Variants in PRMT8 observed in about 807,000 individuals in gnomAD.
The protein encoded by PRMT8 is protein arginine N-methyltransferase 8.
Under a neutral mutation model 47.1 loss-of-function variants are expected in PRMT8, and 7 were observed. The ratio of observed to expected loss-of-function variants is 0.15; its 90% confidence interval spans 0.08 to 0.28. The LOEUF is 0.28. Ranked by LOEUF, PRMT8 falls within the 10% of genes least tolerant of loss-of-function variation. The pLI is 1.00. For missense variants in PRMT8, 237 were observed against 505.4 expected (o/e 0.47, Z 5.09); for synonymous variants, 188 against 186.5 (o/e 1.01, Z -0.07).
At chr12:3,549,546 A>C (rs1166020523) in intron 2 of PRMT8, among the ~76,000 whole-genome samples, 1 of 152,060 alleles carries the variant, frequency 6.6e-6, no homozygotes, top group African/African-American at 2.4e-5. Flanking sequence ...ATACACTCAC[A>C]AAAACCTCTT....
At chr12:3,442,858 T>A (rs1488910447) in intron 1 of PRMT8, among the ~76,000 whole-genome samples, 2 of 151,950 alleles carry the variant, frequency 1.3e-5, no homozygotes, top group Non-Finnish European at 2.9e-5. Flanking sequence ...GGGGTTTCAC[T>A]ATGTTGGCCA....
chr12:3,417,278 A>T (rs971080931), intron 1 of PRMT8, among the ~76,000 whole-genome samples: 3 of 152,222 alleles, frequency 2.0e-5, no homozygotes, highest in Non-Finnish European at 4.4e-5. Context: ...CAGATTTCAG[A>T]CAGCAACACA....
At chr12:3,507,933 A>G (rs980609036) in intron 1 of PRMT8, among the ~76,000 whole-genome samples, 4 of 151,774 alleles carry the variant, frequency 2.6e-5, no homozygotes, top group African/African-American at 9.7e-5. Context: ...TAATTTTTGT[A>G]TTCTTTCCCC....
intron 2 of PRMT8, among the ~76,000 whole-genome samples, chr12:3,549,101 T>C (rs562883557): frequency 1.4e-4 from 22 of 152,336 alleles, no homozygotes; most frequent in African/African-American, 4.8e-4. Flanking sequence ...TCAGATCATT[T>C]GTCATCTTGG....
chr12:3,511,255 C>T (rs183197569), intron 1 of PRMT8, among the ~76,000 whole-genome samples: 4 of 152,198 alleles, frequency 2.6e-5, no homozygotes, highest in African/African-American at 9.6e-5. Flanking sequence ...CCCTTCCAGA[C>T]ATGCCCATGG....
chr12:3,541,780 T>C (rs1296754923), intron 2 of PRMT8, among the ~76,000 whole-genome samples: 1 of 152,236 alleles, frequency 6.6e-6, no homozygotes, highest in Non-Finnish European at 1.5e-5. Context: ...TAGTGCTTAC[T>C]ACGTGCTGGT....
intron 1 of PRMT8, among the ~76,000 whole-genome samples, chr12:3,533,470 A>G (rs1298133452): frequency 6.6e-6 from 1 of 152,256 alleles, no homozygotes; most frequent in Non-Finnish European, 1.5e-5. Context: ...TTTTTAGCTC[A>G]TCAGCAATCG....
chr12:3,470,905 T>C (rs1865155047), intron 1 of PRMT8, among the ~76,000 whole-genome samples: 2 of 152,168 alleles, frequency 1.3e-5, no homozygotes, highest in Non-Finnish European at 2.9e-5. Context: ...AAGATGACAA[T>C]TCAAACCTGC....
intron 1 of PRMT8, among the ~76,000 whole-genome samples, chr12:3,540,023 C>CAA (rs1423899190): frequency 6.6e-6 from 1 of 152,188 alleles, no homozygotes; most frequent in Non-Finnish European, 1.5e-5. Flanking sequence ...TTTCCTCTAA[C>CAA]AAACTCTTAC....
Position 3,553,793 on chromosome 12 carries a change from G to A in PRMT8, c.481+79G>A, listed in dbSNP as rs758392992. ...ACTTTCTTGTTGGGATGGCATAGCG[G>A]GAGGAGCGCAGAGCACTTGGACTTG... On this transcript the variant is annotated intron_variant, in intron 4 of 9. Coordinates refer to ENST00000382622, the MANE Select transcript of PRMT8 (RefSeq NM_019854.5). The A allele has an allele frequency of 1.3e-4, 175 of 1,348,814 alleles. 1 individual carries two copies. The highest frequency in any genetic ancestry group is 1.8e-4 in the Non-Finnish European group (167 of 947,274). The allele number at this position is 1,348,814 out of a possible 1,614,324, so 83.6% of individuals were successfully genotyped here.
chr12:3,472,271 T>A (rs142787626), intron 1 of PRMT8, among the ~76,000 whole-genome samples: 2 of 152,354 alleles, frequency 1.3e-5, no homozygotes, highest in African/African-American at 2.4e-5. Context: ...ACATTCCGGC[T>A]GGCCTCAGCC....
chr12:3,428,787 A>T (rs1385241929), intron 1 of PRMT8, among the ~76,000 whole-genome samples: 12 of 121,554 alleles, frequency 9.9e-5, no homozygotes, highest in East Asian at 2.4e-4. Flanking sequence ...TCTCTCTCTT[A>T]CCTTGACTCT....
chr12:3,490,028 T>C (rs1399237536), upstream of PRMT8, among the ~76,000 whole-genome samples: 2 of 152,178 alleles, frequency 1.3e-5, no homozygotes, highest in African/African-American at 2.4e-5. Flanking sequence ...CAATGGACTC[T>C]GGGGTTAGTT....
chr12:3,495,442 C>A (rs1483673331), intron 1 of PRMT8, among the ~76,000 whole-genome samples: 1 of 152,218 alleles, frequency 6.6e-6, no homozygotes, highest in Non-Finnish European at 1.5e-5. Flanking sequence ...CTGTGCCGGT[C>A]TTTCCTCCTT....
chr12:3,456,929 C>CCTAG lies in PRMT8; in HGVS notation c.48+75488_48+75489insTAGC, dbSNP rs1864980104. The stretch of plus-strand genomic sequence containing the variant: ...TTTCTTGCTGTGGCTGACGTCCTAG[C>CCTAG]CGTGTTAAGGGGGTGGGGGCTCTGG... On this transcript the variant is annotated intron_variant, in intron 1 of 9. Transcript: ENST00000452611. The surrounding 1 kb of genome is among the most constrained non-coding windows in gnomAD (Gnocchi z 4.2). Among the ~76,000 whole-genome samples, 1 of 152,166 alleles carries CCTAG rather than the reference C, an allele frequency of 6.6e-6. No individual in the cohort carries two copies. Among genetic ancestry groups the CCTAG allele is most frequent in the Non-Finnish European group, 1.5e-5 (1 of 68,034 alleles).
chr12:3,507,022 G>C (rs201796509), intron 1 of PRMT8, among the ~76,000 whole-genome samples: 1 of 152,148 alleles, frequency 6.6e-6, no homozygotes, highest in African/African-American at 2.4e-5. Flanking sequence ...CCACTATAAG[G>C]GGAAGGGCTG....
chr12:3,470,195 C>T (rs1358746238), intron 1 of PRMT8, among the ~76,000 whole-genome samples: 2 of 152,190 alleles, frequency 1.3e-5, no homozygotes, highest in Non-Finnish European at 2.9e-5. Context: ...ATGGGATGCT[C>T]TGTGTGTGTG....
intron 1 of PRMT8, among the ~76,000 whole-genome samples, chr12:3,465,129 A>AT (rs71061116): frequency 0.39 from 21,620 of 54,746 alleles, 2,143 homozygotes; most frequent in Non-Finnish European, 0.47. Flanking sequence ...TCTCAAAAAA[A>AT]ATATATATAT....
intron 1 of PRMT8, among the ~76,000 whole-genome samples, chr12:3,420,960 T>C (rs1864534373): frequency 6.6e-6 from 1 of 152,204 alleles, no homozygotes; most frequent in Non-Finnish European, 1.5e-5. Flanking sequence ...ATCTACTGCA[T>C]GTTTTCAGTC....
Sources: gnomAD v4.1 joint callset for allele counts (sites outside exome capture counted in the v4.1 genomes callset) on GRCh38, gnomAD v4.1.1 for gene constraint, Gnocchi (gnomAD v3.1) non-coding constraint, MANE v1.5 for transcripts, NCBI Gene and HGNC (gene_info 2026-07-23, HGNC 2026-07-21) for gene names.